The following DNAH17 variants were observed in gnomAD, a reference collection of about 807,000 sequenced individuals.
DNAH17 encodes the protein axonemal beta dynein heavy chain 17.
DNAH17 carries 376 observed loss-of-function variants against 485.6 expected under a neutral mutation model. The ratio of observed to expected loss-of-function variants is 0.77; its 90% confidence interval spans 0.71 to 0.84. The LOEUF (loss-of-function observed/expected upper bound fraction) is 0.84, where lower values mean the gene tolerates loss of function less well. Among genes scored for constraint, DNAH17 ranks in the 40% least tolerant of loss-of-function variants. The pLI is 0.00. For missense variants in DNAH17, 6,370 were observed against 5,839.3 expected (o/e 1.09, Z -2.96); for synonymous variants, 3,031 against 2,405.9 (o/e 1.26, Z -7.60).
chr17:78,497,176 T>C (rs942744400), intron 37 of DNAH17: 36 of 152,342 alleles, frequency 2.4e-4, no homozygotes, highest in African/African-American at 8.7e-4. Flanking sequence ...AGGCCAACTG[T>C]CAGCTACGAG....
intron 54 of DNAH17, among the ~76,000 whole-genome samples, chr17:78,473,374 C>G (rs2088856482): frequency 6.6e-6 from 1 of 151,982 alleles, no homozygotes; most frequent in Non-Finnish European, 1.5e-5. Context: ...GAAACCCCGT[C>G]TCTACTAAAA....
At chr17:78,442,354 G>T (rs1247743318) in intron 71 of DNAH17, among the ~76,000 whole-genome samples, 1 of 152,206 alleles carries the variant, frequency 6.6e-6, no homozygotes, top group Admixed American at 6.5e-5. Flanking sequence ...TCCTTTCCCT[G>T]CACTGGCCTT....
At position 78,575,063 on chromosome 17, in the gene DNAH17, C is replaced by G; in HGVS notation, c.-6G>C. On this transcript the variant is annotated 5_prime_UTR_variant, in exon 2 of 81. Coordinates refer to ENST00000389840, the MANE Select transcript of DNAH17 (RefSeq NM_173628.4). ...ACGTCCGGGGCCATTGTCATCTTGGCCTTTCCTTACACTGTGTATCTGTTA... is the reference window on the plus strand; with the variant it reads ...ACGTCCGGGGCCATTGTCATCTTGGGCTTTCCTTACACTGTGTATCTGTTA... The G allele has an allele frequency of 6.2e-7, 1 of 1,608,428 alleles. No individual in the cohort carries two copies. The highest frequency in any genetic ancestry group is 8.5e-7 in the Non-Finnish European group (1 of 1,176,922).
At chr17:78,550,149 A>C (rs1040752973) in intron 16 of DNAH17, among the ~76,000 whole-genome samples, 1 of 152,248 alleles carries the variant, frequency 6.6e-6, no homozygotes, top group Non-Finnish European at 1.5e-5. Context: ...GAGCGACGTC[A>C]TGCCCACTAG....
chr17:78,461,885 C>T (rs1171392702), intron 57 of DNAH17, among the ~76,000 whole-genome samples, 177 bp from the exon 58 acceptor site: 2 of 152,066 alleles, frequency 1.3e-5, no homozygotes, highest in Non-Finnish European at 2.9e-5. Context: ...AAGTTATAAA[C>T]CCTGACTGCG....
At position 78,529,048 on chromosome 17, in the gene DNAH17, A is replaced by G. The variant is rs2091155813; in HGVS notation, c.3507+424T>C. On this transcript the variant is annotated intron_variant, in intron 22 of 80. Coordinates refer to ENST00000389840, the MANE Select transcript of DNAH17 (RefSeq NM_173628.4). ...AACATCTGCCTCCCTGGTTCAAGCA[A>G]TTCTCCTGCCTCAGCCTCCTGAGTA... Among the ~76,000 whole-genome samples the G allele has an allele frequency of 3.3e-5, 5 of 151,232 alleles. No individual in the cohort carries two copies. In the South Asian group the frequency reaches 1.0e-3, roughly 32 times the overall value.
At chr17:78,465,370 A>G (rs1277340034) in intron 56 of DNAH17, among the ~76,000 whole-genome samples, 1 of 150,958 alleles carries the variant, frequency 6.6e-6, no homozygotes, top group Non-Finnish European at 1.5e-5. Flanking sequence ...GGAAGTGAGG[A>G]GCGTCTCTGC....
chr17:78,448,082 G>A (rs1401560619), intron 69 of DNAH17, among the ~76,000 whole-genome samples: 1 of 151,942 alleles, frequency 6.6e-6, no homozygotes, highest in Non-Finnish European at 1.5e-5. Flanking sequence ...TGAGGTAGGG[G>A]AACTGCTTGA....
chr17:78,506,816 C>A lies in DNAH17; in HGVS notation c.4707G>T (p.Glu1569Asp). ...SLAICEKALA[E>D]YLETKRLAFP... Reference sequence around the variant, plus strand: ...AAGCCAGTCTTTTCGTCTCTAAATACTCTGCCAAAGCCTTTTCACAGATGG... The same window carrying A: ...AAGCCAGTCTTTTCGTCTCTAAATAATCTGCCAAAGCCTTTTCACAGATGG... Residue 1569 changes from glutamate to aspartate, a missense_variant, in exon 30 of 81, where the codon GAG (glutamate) becomes GAT (aspartate). Coordinates refer to ENST00000389840, the MANE Select transcript of DNAH17 (RefSeq NM_173628.4). The A allele has an allele frequency of 6.2e-7, 1 of 1,613,980 alleles. No individual in the cohort carries two copies. The highest frequency in any genetic ancestry group is 8.5e-7 in the Non-Finnish European group (1 of 1,179,880).
intron 55 of DNAH17, among the ~76,000 whole-genome samples, chr17:78,468,306 T>C (rs1334436139): frequency 6.6e-6 from 1 of 152,226 alleles, no homozygotes; most frequent in East Asian, 1.9e-4. Context: ...CACTGTTTTA[T>C]ATCGGGCCCT....
intron 42 of DNAH17, among the ~76,000 whole-genome samples, 175 bp from the exon 43 acceptor site, chr17:78,491,745 C>G (rs1002588888): frequency 6.6e-6 from 1 of 152,198 alleles, no homozygotes; most frequent in Non-Finnish European, 1.5e-5. Flanking sequence ...TCTCTGTGGC[C>G]TCCCTCCTAC....
chr17:78,567,280 G>GAGACACCAACCATGGGGGTGGGA, intron 9 of DNAH17, 114 bp from the exon 10 acceptor site: 3 of 1,103,490 alleles, frequency 2.7e-6, no homozygotes, highest in Non-Finnish European at 3.9e-6. Context: ...ATGTCCCCAG[G>GAGACACCAACCATGGGGGTGGGA]AGACACCAAC....
intron 48 of DNAH17, 105 bp from the exon 49 acceptor site, chr17:78,480,891 G>A: frequency 1.3e-6 from 1 of 790,776 alleles, no homozygotes; most frequent in African/African-American, 1.7e-5. Context: ...ATTTTTTTGA[G>A]ACAGAGTCTC....
chr17:78,567,808 C>T (rs1398865616), intron 9 of DNAH17, among the ~76,000 whole-genome samples: 1 of 152,210 alleles, frequency 6.6e-6, no homozygotes, highest in Non-Finnish European at 1.5e-5. Flanking sequence ...TAGTCACGTT[C>T]AGGCCCATCC....
At chr17:78,528,495 A>G (rs1479526575) in intron 22 of DNAH17, among the ~76,000 whole-genome samples, 2 of 151,976 alleles carry the variant, frequency 1.3e-5, no homozygotes, top group African/African-American at 2.4e-5. Flanking sequence ...TGTCACCCCC[A>G]GGGCTGTGGG....
Position 78,500,288 on chromosome 17 carries a change from G to A in DNAH17, c.5640+17C>T, listed in dbSNP as rs574149438. On this transcript the variant is annotated intron_variant, in intron 36 of 80. Transcript: ENST00000389840. ...AAAGAAGACTCTGGGTCCCTCCTCC[G>A]GACCCCGGCCGCGTACCTTGTAGTC... is the stretch of plus-strand genomic sequence containing the variant. 2.3e-4 allele frequency: 363 copies of A among 1,602,494 alleles called. No individual in the cohort carries two copies. In the South Asian group the frequency reaches 3.7e-3, roughly 16 times the overall value.
intron 13 of DNAH17, among the ~76,000 whole-genome samples, chr17:78,560,475 T>TG (rs200804577): frequency 7.2e-5 from 10 of 139,706 alleles, no homozygotes; most frequent in African/African-American, 1.5e-4. Context: ...CGGCAAAGAC[T>TG]TTTTCCCCCC....
At chr17:78,571,163 A>G (rs1164614377) in intron 5 of DNAH17, 116 bp downstream of exon 5, 1 of 1,289,772 alleles carries the variant, frequency 7.8e-7, no homozygotes, top group African/African-American at 1.5e-5. Context: ...GAGGGGGCTG[A>G]GAAAGCTGCT....
intron 18 of DNAH17, 50 bp downstream of exon 18, chr17:78,539,687 C>T (rs779942648): frequency 7.0e-7 from 1 of 1,422,554 alleles, no homozygotes; most frequent in East Asian, 2.5e-5. Context: ...TAGATTCTAA[C>T]AGATAAGAAT....
Sources: allele counts gnomAD v4.1 joint callset (sites outside exome capture counted in the v4.1 genomes callset), GRCh38; gene constraint gnomAD v4.1.1; transcripts MANE v1.5; gene names NCBI Gene and HGNC (gene_info 2026-07-23, HGNC 2026-07-21).